Variants in CCSER2 observed in about 807,000 individuals in gnomAD.
The protein encoded by CCSER2 is coiled-coil serine rich protein 2.
Under a neutral mutation model 92.3 loss-of-function variants are expected in CCSER2, and 46 were observed. The ratio of observed to expected loss-of-function variants is 0.50; its 90% CI spans 0.39 to 0.64. The LOEUF (loss-of-function observed/expected upper bound fraction) is 0.64. Ranked by LOEUF, CCSER2 falls within the 30% of genes least tolerant of loss-of-function variation. The pLI is 0.00. For missense variants in CCSER2, 1,244 were observed against 1,238.9 expected, an observed-to-expected ratio of 1.00 and a Z score of -0.06; for synonymous variants, 433 against 431.4, an observed-to-expected ratio of 1.00 and a Z score of -0.04.
At chr10:84,442,547 T>C (rs529354962) in intron 6 of CCSER2, among the ~76,000 whole-genome samples, 20 of 152,266 alleles carry the variant, frequency 1.3e-4, no homozygotes, top group Non-Finnish European at 2.2e-4. Flanking sequence ...TGATGATTCC[T>C]GGATGGTAAG....
intron 9 of CCSER2, among the ~76,000 whole-genome samples, chr10:84,501,832 A>ATATATATATATATATATATATATACTCAT (rs1447622843): frequency 2.6e-4 from 8 of 31,038 alleles, no homozygotes; most frequent in African/African-American, 4.5e-4. Flanking sequence ...GAAAAAAAAA[A>ATATATATATATATATATATATATACTCAT]AAATATATAT....
intron 5 of CCSER2, among the ~76,000 whole-genome samples, chr10:84,428,647 G>GA (rs1364870262): frequency 2.0e-5 from 3 of 152,168 alleles, no homozygotes; most frequent in African/African-American, 7.2e-5. Context: ...CTGTTGAGTA[G>GA]AAGTGGTGAA....
At position 84,414,078 on chromosome 10, in the gene CCSER2, G is replaced by A. The variant is rs972375665; in HGVS notation, c.1615-3693G>A. ...ATGGGTCTTTTGAAGACAGCATACC[G>A]ATGGATCTTGGCTAATTATTTAGCT... On this transcript the variant is annotated intron_variant, in intron 3 of 9. Coordinates refer to ENST00000372088, the MANE Select transcript of CCSER2 (RefSeq NM_001284240.2). 6.6e-5 allele frequency among the ~76,000 whole-genome samples: 10 copies of A among 152,258 alleles called. No homozygotes were observed. The South Asian group carries it at 1.2e-3, about 19-fold the overall frequency.
At position 84,513,953 on chromosome 10, in the gene CCSER2, A is replaced by G. The variant is rs988814288; in HGVS notation, c.2830A>G (p.Thr944Ala). Reference sequence around the variant, plus strand: ...AGTTTCTGAATCATCTCCAAGTAGGACTCCCACTTGTAAAAAGTCACCAAT... The same window carrying G: ...AGTTTCTGAATCATCTCCAAGTAGGGCTCCCACTTGTAAAAAGTCACCAAT... ...PPVSESSPSRTPTCKKSPIIT... is the reference protein window; with the variant it reads ...PPVSESSPSRAPTCKKSPIIT... The change falls in exon 10 of 10, where the codon ACT becomes GCT. Residue 944 changes from threonine to alanine, a missense_variant. Transcript: ENST00000372088. 6.4e-5 allele frequency: 99 copies of G among 1,536,472 alleles called. No individual in the cohort carries two copies. Among genetic ancestry groups the G allele is most frequent in the Middle Eastern group, 5.0e-4 (3 of 6,018 alleles).
At chr10:84,486,078 C>A (rs1323652229) in intron 9 of CCSER2, among the ~76,000 whole-genome samples, 2 of 152,064 alleles carry the variant, frequency 1.3e-5, no homozygotes, top group African/African-American at 4.8e-5. Context: ...TGAACTCATC[C>A]TTTTTTATGG....
intron 1 of CCSER2, among the ~76,000 whole-genome samples, chr10:84,355,929 C>G (rs1056360997): frequency 5.3e-5 from 8 of 151,956 alleles, no homozygotes; most frequent in African/African-American, 1.9e-4. Flanking sequence ...ATGGTGAAAC[C>G]CTGTCTCTAC....
intron 9 of CCSER2, among the ~76,000 whole-genome samples, chr10:84,491,106 G>C (rs763925595): frequency 1.3e-5 from 2 of 152,186 alleles, no homozygotes; most frequent in East Asian, 3.9e-4. Flanking sequence ...TGGAAGCTTC[G>C]TCTCAGATGG....
At chr10:84,492,201 C>T (rs1228862410) in intron 9 of CCSER2, among the ~76,000 whole-genome samples, 2 of 151,860 alleles carry the variant, frequency 1.3e-5, no homozygotes, top group Non-Finnish European at 2.9e-5. Flanking sequence ...ATGGCATTAT[C>T]CCGGGAGGTG....
intron 9 of CCSER2, among the ~76,000 whole-genome samples, chr10:84,488,430 T>A (rs1401116438): frequency 3.3e-5 from 5 of 152,222 alleles, no homozygotes; most frequent in Non-Finnish European, 5.9e-5. Context: ...CTGTTGTTGG[T>A]CTATTCAGGG....
At chr10:84,405,851 T>C (rs1232050223) in intron 3 of CCSER2, among the ~76,000 whole-genome samples, 2 of 152,196 alleles carry the variant, frequency 1.3e-5, no homozygotes, top group Non-Finnish European at 2.9e-5. Flanking sequence ...CTGATTGATA[T>C]GTGGAATGTT....
intron 6 of CCSER2, among the ~76,000 whole-genome samples, chr10:84,450,399 T>G (rs1287467385): frequency 1.3e-5 from 2 of 152,206 alleles, no homozygotes; most frequent in Admixed American, 1.3e-4. Flanking sequence ...TATGTATATC[T>G]CCCTATATTA....
At chr10:84,408,691 C>A (rs935339209) in intron 3 of CCSER2, among the ~76,000 whole-genome samples, 8 of 152,218 alleles carry the variant, frequency 5.3e-5, no homozygotes, top group East Asian at 3.9e-4. Flanking sequence ...GGTGACAGTT[C>A]TCCTTTCACT....
At chr10:84,494,210 A>G (rs1848322413) in intron 9 of CCSER2, among the ~76,000 whole-genome samples, 1 of 152,216 alleles carries the variant, frequency 6.6e-6, no homozygotes, top group African/African-American at 2.4e-5. Context: ...TTGGAGACCC[A>G]TGATGTAGGG....
intron 1 of CCSER2, among the ~76,000 whole-genome samples, chr10:84,355,770 T>C (rs1845133518): frequency 6.6e-6 from 1 of 152,214 alleles, no homozygotes; most frequent in Non-Finnish European, 1.5e-5. Flanking sequence ...GTATGTACCT[T>C]CTTTATTTTT....
At chr10:84,385,292 C>G (rs982277891) in intron 3 of CCSER2, among the ~76,000 whole-genome samples, 6 of 151,984 alleles carry the variant, frequency 3.9e-5, no homozygotes, top group Admixed American at 1.3e-4. Flanking sequence ...ACACCCCAAA[C>G]AGCCAAAACA....
At chr10:84,485,858 A>C (rs1346488981) in intron 9 of CCSER2, among the ~76,000 whole-genome samples, 1 of 152,084 alleles carries the variant, frequency 6.6e-6, no homozygotes, top group Non-Finnish European at 1.5e-5. Flanking sequence ...CTCGTCATTT[A>C]CATTAGGTAT....
At chr10:84,424,374 T>C (rs1329489847) in intron 4 of CCSER2, among the ~76,000 whole-genome samples, 2 of 152,066 alleles carry the variant, frequency 1.3e-5, no homozygotes, top group African/African-American at 4.8e-5. Context: ...TGAACAAAAA[T>C]TCTTTTTTCA....
At chr10:84,334,286 C>G (rs1843719452) in intron 1 of CCSER2, among the ~76,000 whole-genome samples, 1 of 152,084 alleles carries the variant, frequency 6.6e-6, no homozygotes, top group Non-Finnish European at 1.5e-5. Context: ...TGATGGCTTT[C>G]TGCCTCTTTG....
intron 1 of CCSER2, among the ~76,000 whole-genome samples, chr10:84,334,188 GT>G (rs1390095189): frequency 6.6e-6 from 1 of 152,130 alleles, no homozygotes; most frequent in African/African-American, 2.4e-5. Flanking sequence ...TGTGGTTGGT[GT>G]GCCCTGCTGT....
Sources: gnomAD v4.1 joint callset for allele counts (sites outside exome capture counted in the v4.1 genomes callset) on GRCh38, gnomAD v4.1.1 for gene constraint, MANE v1.5 for transcripts, NCBI Gene and HGNC (gene_info 2026-07-23, HGNC 2026-07-21) for gene names.